RHD: variants seen among roughly 807,000 people sequenced by gnomAD.
The protein encoded by RHD is Rh blood group D antigen.
RHD carries 16 observed loss-of-function variants against 45.5 expected under a neutral mutation model. The observed-to-expected ratio is 0.35, with a 90% confidence interval of 0.24 to 0.53. RHD has a LOEUF of 0.53. RHD is among the 20% of genes least tolerant of loss of function. RHD has a pLI of 0.92. For missense variants in RHD, 306 were observed against 532.0 expected (o/e 0.58, Z 4.18); for synonymous variants, 131 against 217.5 (o/e 0.60, Z 3.50).
At chr1:25,316,369 C>A (rs1288585837) in intron 7 of RHD, among the ~76,000 whole-genome samples, 1 of 129,508 alleles carries the variant, frequency 7.7e-6, no homozygotes. Flanking sequence ...TCTGTAATCC[C>A]AGCACTTTGG....
chr1:25,296,778 G>T (rs1251338992), intron 3 of RHD, among the ~76,000 whole-genome samples: 3 of 121,890 alleles, frequency 2.5e-5, no homozygotes, highest in Non-Finnish European at 5.9e-5. Flanking sequence ...CACGTAAGAT[G>T]TGCCTTGCTT....
Position 25,284,871 on chromosome 1 carries a change from T to G in RHD, c.335+112T>G. ...CCCTCTCTGTCTAGCACCAGTGCTG[T>G]GCAATATTTAGGACATCCTTATACT... On this transcript the variant is annotated intron_variant, in intron 2 of 9. Coordinates refer to ENST00000328664, the MANE Select transcript of RHD (RefSeq NM_016124.6). 1.8e-6 allele frequency: 2 copies of G among 1,138,738 alleles called. 1 individual carries two copies. The highest frequency in any genetic ancestry group is 3.2e-5 in the African/African-American group (2 of 62,934). The allele number at this position is 1,138,738 out of a possible 1,614,324, so 70.5% of individuals were successfully genotyped here.
At position 25,299,940 on chromosome 1, in the gene RHD, G is replaced by A. The variant is rs569192651; in HGVS notation, c.487-1006G>A. On this transcript the variant is annotated intron_variant, in intron 3 of 9. Coordinates refer to ENST00000328664, the MANE Select transcript of RHD (RefSeq NM_016124.6). ...AATTTTTGTATTTTTAGTAGAGACA[G>A]GGTTTTGCCATGTTGGCCAGGCTGG... Among the ~76,000 whole-genome samples the A allele has an allele frequency of 2.1e-3, 279 of 130,692 alleles. 38 individuals carry two copies. The highest frequency in any genetic ancestry group is 6.9e-3 in the African/African-American group (262 of 38,036). The allele number at this position is 130,692 out of a possible 152,430, so 85.7% of individuals were successfully genotyped here.
rs1214901646 is a variant in RHD, at chr1:25,315,498, T to A, written c.1074-1502T>A. 2.5e-5 allele frequency among the ~76,000 whole-genome samples: 3 copies of A among 121,656 alleles called. 1 individual carries two copies. Among genetic ancestry groups the A allele is most frequent in the African/African-American group, 9.1e-5 (3 of 32,826 alleles). The allele number at this position is 121,656 out of a possible 152,430, so 79.8% of individuals were successfully genotyped here. ...TTTTAATTTATTTTTCTTTTCTTTC[T>A]TTCTTTTTTTTTTTTTGAGATGGAG... On this transcript the variant is annotated intron_variant, in intron 7 of 9. Transcript: ENST00000328664.
chr1:25,330,387 C>T lies in RHD; in HGVS notation c.*1463C>T, dbSNP rs1644977408. ...ATTTTCTTTGAAAATTCTGGCAGAC[C>T]AAGGTTCTTTTTGTTTACATAATAC... On this transcript the variant is annotated 3_prime_UTR_variant, in exon 10 of 10. Coordinates refer to ENST00000328664, the MANE Select transcript of RHD (RefSeq NM_016124.6). The T allele has an allele frequency of 3.8e-5, 5 of 132,728 alleles. No individual in the cohort carries two copies. The South Asian group carries it at 1.2e-3, about 31-fold the overall frequency. 8.2% of individuals were successfully genotyped at this position (132,728 alleles called of 1,614,324 possible).
chr1:25,293,150 G>T (rs1278993968), intron 3 of RHD, among the ~76,000 whole-genome samples: 1 of 131,570 alleles, frequency 7.6e-6, no homozygotes, highest in Admixed American at 7.4e-5. Flanking sequence ...GAGACAGCAT[G>T]CAGGGGCAGC....
Position 25,296,389 on chromosome 1 carries a change from G to A in RHD, c.487-4557G>A, listed in dbSNP as rs574822361. 8.0e-3 allele frequency among the ~76,000 whole-genome samples: 973 copies of A among 122,056 alleles called. 213 individuals carry two copies. Among genetic ancestry groups the A allele is most frequent in the Non-Finnish European group, 0.014 (720 of 51,360 alleles). The allele number at this position is 122,056 out of a possible 152,430, so 80.1% of individuals were successfully genotyped here. On this transcript the variant is annotated intron_variant, in intron 3 of 9. Transcript: ENST00000328664. ...ACCCTCCCGAGTAGCTGGGATTAGG[G>A]GCATGCCACCATGCCCAGTTAATTT...
At chr1:25,290,900 T>C (rs1203148525) in intron 3 of RHD, 109 bp downstream of exon 3, 1 of 1,155,762 alleles carries the variant, frequency 8.7e-7, no homozygotes, top group Non-Finnish European at 1.3e-6. Context: ...TCCCAGCTAC[T>C]TGGGAGGTTG....
At chr1:25,306,879 T>C in intron 7 of RHD, 150 bp downstream of exon 7, 2 of 849,706 alleles carry the variant, frequency 2.4e-6, no homozygotes, top group Non-Finnish European at 3.9e-6. Flanking sequence ...TATTCAGAAA[T>C]TCTGTCCAGC....
rs181222010 is a variant in RHD, at chr1:25,320,585, G to A, written c.1154-1304G>A. Among the ~76,000 whole-genome samples the A allele has an allele frequency of 2.3e-5, 3 of 132,032 alleles. No individual in the cohort carries two copies. The East Asian group carries it at 5.9e-4, about 26-fold the overall frequency. 86.6% of individuals were successfully genotyped at this position (132,032 alleles called of 152,430 possible). ...TAAGCACTCGCCCATTCTTGTTAAC[G>A]ACACTGGAACTGATCATCCTTAATA... On this transcript the variant is annotated intron_variant, in intron 8 of 9. Coordinates refer to ENST00000328664, the MANE Select transcript of RHD (RefSeq NM_016124.6).
Position 25,303,216 on chromosome 1 carries a change from G to A in RHD, c.802-106G>A, listed in dbSNP as rs1340611883. 42 of 1,020,718 alleles carry A rather than the reference G, an allele frequency of 4.1e-5. 11 individuals are homozygous for A. The highest frequency in any genetic ancestry group is 6.0e-5 in the Non-Finnish European group (40 of 667,130). 63.2% of individuals were successfully genotyped at this position (1,020,718 alleles called of 1,614,324 possible). ...AGTGGTTTCAGGATCAGCAAAGCAG[G>A]GAGGATGTTACAGGGTTGCCTTGTT... On this transcript the variant is annotated intron_variant, in intron 5 of 9. Transcript: ENST00000328664.
chr1:25,303,820 A>G (rs595776), intron 6 of RHD, among the ~76,000 whole-genome samples: 1 of 129,502 alleles, frequency 7.7e-6, no homozygotes, highest in Non-Finnish European at 1.8e-5. Context: ...CTCTATAGAC[A>G]TGCTTCCTCC....
rs1185342387 is a variant in RHD at position 25,322,275 on chromosome 1, T to G, written c.1227+313T>G. ...CTCAGCGTAGCCAAATAGTCTGACATGCGGGTGACAGAACCCCACAATGCA... is the reference window on the plus strand; with the variant it reads ...CTCAGCGTAGCCAAATAGTCTGACAGGCGGGTGACAGAACCCCACAATGCA... On this transcript the variant is annotated intron_variant, in intron 9 of 9. Transcript: ENST00000328664. Among the ~76,000 whole-genome samples the G allele has an allele frequency of 1.5e-5, 2 of 132,528 alleles. 1 individual carries two copies. Among genetic ancestry groups the G allele is most frequent in the Non-Finnish European group, 3.6e-5 (2 of 55,900 alleles). 86.9% of individuals were successfully genotyped at this position (132,528 alleles called of 152,430 possible). A position where few individuals can be genotyped will look rare whatever the true frequency, so the allele number is the denominator to read the frequency against.
chr1:25,278,936 G>A lies in RHD; in HGVS notation c.149-5637G>A, dbSNP rs1293186784. ...GCTGCAGTGGTCTTTCCAGGCAGCA[G>A]TGGGAGCACAGGGTGGAGGTCAACC... On this transcript the variant is annotated intron_variant, in intron 1 of 9. Coordinates refer to ENST00000328664, the MANE Select transcript of RHD (RefSeq NM_016124.6). Among the ~76,000 whole-genome samples the A allele has an allele frequency of 8.5e-5, 11 of 129,518 alleles. 3 individuals carry two copies. Among genetic ancestry groups the A allele is most frequent in the East Asian group, 2.0e-4 (1 of 5,092 alleles). The allele number at this position is 129,518 out of a possible 152,430, so 85.0% of individuals were successfully genotyped here. A position where few individuals can be genotyped will look rare whatever the true frequency, so the allele number is the denominator to read the frequency against.
At chr1:25,289,244 G>C (rs1571621658) in intron 2 of RHD, among the ~76,000 whole-genome samples, 1 of 132,662 alleles carries the variant, frequency 7.5e-6, no homozygotes, top group African/African-American at 2.6e-5. Flanking sequence ...GCCCAGGCTG[G>C]AGTGCAGTGG....
chr1:25,272,717 G>A lies in RHD; in HGVS notation c.148+22G>A. ...CAAGGTGAGAGTTCATTGGAAAAGT[G>A]GTCACAGGAGCAAATAGCAGGGGCA... is the stretch of plus-strand genomic sequence containing the variant. On this transcript the variant is annotated intron_variant, in intron 1 of 9. Transcript: ENST00000328664. 3.6e-6 allele frequency: 5 copies of A among 1,379,546 alleles called. 1 individual carries two copies. The highest frequency in any genetic ancestry group is 5.1e-6 in the Non-Finnish European group (5 of 978,692). The allele number at this position is 1,379,546 out of a possible 1,614,324, so 85.5% of individuals were successfully genotyped here.
Position 25,301,068 on chromosome 1 carries a change from G to A in RHD, c.609G>A (p.Thr203=), listed in dbSNP as rs114032679. The change falls in exon 4 of 10, where the codon ACG becomes ACA. Residue 203 remains threonine (T), a synonymous_variant. Coordinates refer to ENST00000328664, the MANE Select transcript of RHD (RefSeq NM_016124.6). ...EGTEDKDQTA[T]IPSLSAMLGA... ...CGGAGGATAAAGATCAGACAGCAAC[G>A]ATACCCAGTTTGTCTGCCATGCTGG... The A allele has an allele frequency of 2.6e-3, 3,558 of 1,376,838 alleles. 599 individuals carry two copies. In the African/African-American group the frequency reaches 0.044, roughly 17 times the overall value. The allele number at this position is 1,376,838 out of a possible 1,614,324, so 85.3% of individuals were successfully genotyped here. A position where few individuals can be genotyped will look rare whatever the true frequency, so the allele number is the denominator to read the frequency against.
In RHD at chr1:25,291,559, T is replaced by G. The variant is rs1025630013; in HGVS notation, c.486+768T>G. Among the ~76,000 whole-genome samples, 8 of 132,560 alleles carry G rather than the reference T, an allele frequency of 6.0e-5. 1 individual carries two copies. The highest frequency in any genetic ancestry group is 2.1e-4 in the African/African-American group (8 of 38,624). 87.0% of individuals were successfully genotyped at this position (132,560 alleles called of 152,430 possible). A position where few individuals can be genotyped will look rare whatever the true frequency, so the allele number is the denominator to read the frequency against. ...ACAAAAATGTGGTCTGTGCAAATGTTTAAACACAACAAACCAATGCCTTTA... is the reference window on the plus strand; with the variant it reads ...ACAAAAATGTGGTCTGTGCAAATGTGTAAACACAACAAACCAATGCCTTTA... On this transcript the variant is annotated intron_variant, in intron 3 of 9. Coordinates refer to ENST00000328664, the MANE Select transcript of RHD (RefSeq NM_016124.6).
At position 25,276,431 on chromosome 1, in the gene RHD, A is replaced by G. The variant is rs1302979138; in HGVS notation, c.148+3736A>G. ...AATAGTTAATTAAAAAAAAAAAAAA[A>G]CACCCTGGCTGAGCATTTAGGGAGG... On this transcript the variant is annotated intron_variant, in intron 1 of 9. Coordinates refer to ENST00000328664, the MANE Select transcript of RHD (RefSeq NM_016124.6). Among the ~76,000 whole-genome samples the G allele has an allele frequency of 1.6e-5, 2 of 123,332 alleles. 1 individual carries two copies. Among genetic ancestry groups the G allele is most frequent in the African/African-American group, 5.7e-5 (2 of 34,932 alleles). The allele number at this position is 123,332 out of a possible 152,430, so 80.9% of individuals were successfully genotyped here.
Sources: gnomAD v4.1 joint callset for allele counts (sites outside exome capture counted in the v4.1 genomes callset) on GRCh38, gnomAD v4.1.1 for gene constraint, MANE v1.5 for transcripts, NCBI Gene and HGNC (gene_info 2026-07-23, HGNC 2026-07-21) for gene names.